C3orf49: variants seen among roughly 807,000 people sequenced by gnomAD.
The protein encoded by C3orf49 is chromosome 3 open reading frame 49.
Under a neutral mutation model 13.3 loss-of-function variants are expected in C3orf49, and 27 were observed. That is an observed-to-expected ratio of 2.02 (90% confidence interval 1.49 to 2.79). C3orf49 has a LOEUF of 2.79. C3orf49 is among the 30% of genes most tolerant of loss of function. The probability of loss-of-function intolerance (pLI) is 0.00; values close to 1 mark genes in which losing one functional copy is unlikely to be tolerated. For synonymous variants in C3orf49, 87 were observed against 47.6 expected (o/e 1.83, Z -3.40); for missense variants, 242 against 134.2 (o/e 1.80, Z -3.97).
the C3orf49 span, among the ~76,000 whole-genome samples, chr3:63,799,565 C>T: frequency 0.063 from 9,564 of 152,108 alleles, 445 homozygotes; most frequent in African/African-American, 0.12. Context: ...TTTAATAATG[C>T]CATAACCGTT....
intron 5 of C3orf49, chr3:63,835,443 C>T: frequency 9.3e-6 from 14 of 1,511,808 alleles, no homozygotes; most frequent in Non-Finnish European, 1.3e-5. Flanking sequence ...GAAGAGTTTA[C>T]AATTAATGCC....
chr3:63,812,556 T>C, the C3orf49 span, among the ~76,000 whole-genome samples: 1 of 152,242 alleles, frequency 6.6e-6, no homozygotes, highest in African/African-American at 2.4e-5. Flanking sequence ...TTTCAGTCCT[T>C]AAGATACCTA....
intron 5 of C3orf49, chr3:63,834,170 C>G: frequency 6.2e-7 from 1 of 1,614,040 alleles, no homozygotes; most frequent in South Asian, 1.1e-5. Context: ...GCTTCCTGAG[C>G]TTCTTCTACC....
intron 1 of C3orf49, among the ~76,000 whole-genome samples, chr3:63,822,417 G>A (rs774573699): frequency 2.6e-5 from 4 of 152,198 alleles, no homozygotes; most frequent in South Asian, 2.1e-4. Context: ...AAGAATATTA[G>A]GTAATAATTG....
intron 2 of C3orf49, chr3:63,826,971 A>G (rs1432996518): frequency 6.6e-6 from 1 of 152,074 alleles, no homozygotes; most frequent in Non-Finnish European, 1.5e-5. Context: ...AGAAAAAGAG[A>G]GTAACCTCAG....
At chr3:63,799,133 T>G in the C3orf49 span, among the ~76,000 whole-genome samples, 1 of 152,156 alleles carries the variant, frequency 6.6e-6, no homozygotes, top group African/African-American at 2.4e-5. Context: ...CATTCAATCC[T>G]ATAATCTTGA....
At chr3:63,814,554 G>A (rs1283780526), upstream of C3orf49, among the ~76,000 whole-genome samples, 1 of 152,104 alleles carries the variant, frequency 6.6e-6, no homozygotes, top group Non-Finnish European at 1.5e-5. Context: ...TAAGAACAAG[G>A]GAGATTGTGT....
chr3:63,788,647 C>T, the C3orf49 span, among the ~76,000 whole-genome samples: 1 of 151,956 alleles, frequency 6.6e-6, no homozygotes, highest in Non-Finnish European at 1.5e-5. Flanking sequence ...AAATAAGACA[C>T]AGTCGTTCTT....
At chr3:63,779,824 T>C in the C3orf49 span, 2 of 152,168 alleles carry the variant, frequency 1.3e-5, no homozygotes, top group Non-Finnish European at 2.9e-5. Flanking sequence ...TTTCTCAACC[T>C]ACCTTTGTCA....
At chr3:63,810,129 G>C in the C3orf49 span, among the ~76,000 whole-genome samples, 17 of 151,674 alleles carry the variant, frequency 1.1e-4, no homozygotes, top group African/African-American at 4.1e-4. Context: ...CTGGGCGACA[G>C]AGCAAGACAC....
At chr3:63,838,468 G>T (rs376353845) in intron 5 of C3orf49, 1 of 1,609,582 alleles carries the variant, frequency 6.2e-7, no homozygotes, top group Non-Finnish European at 8.5e-7. Context: ...CATTGAGACA[G>T]CGTGCTCAGC....
chr3:63,842,915 G>A (rs1479939787), intron 5 of C3orf49, among the ~76,000 whole-genome samples: 1 of 151,922 alleles, frequency 6.6e-6, no homozygotes, highest in African/African-American at 2.4e-5. Flanking sequence ...CCAAGTAGCT[G>A]TGACTACACA....
the C3orf49 span, chr3:63,782,920 A>G: frequency 2.0e-5 from 3 of 152,356 alleles, no homozygotes; most frequent in South Asian, 6.2e-4. Flanking sequence ...CTTCAAAACA[A>G]TTTAATGACT....
chr3:63,783,614 A>G, the C3orf49 span, among the ~76,000 whole-genome samples: 1 of 151,572 alleles, frequency 6.6e-6, no homozygotes, highest in Non-Finnish European at 1.5e-5. Context: ...GCTACTTGGG[A>G]GGCTGAGGCA....
intron 5 of C3orf49, among the ~76,000 whole-genome samples, chr3:63,838,793 A>G (rs1316224391): frequency 6.6e-6 from 1 of 152,230 alleles, no homozygotes; most frequent in Non-Finnish European, 1.5e-5. Flanking sequence ...ATACTTTAAG[A>G]TGTTTTTTTA....
At chr3:63,825,306 C>G (rs1040520253) in intron 2 of C3orf49, among the ~76,000 whole-genome samples, 2 of 151,424 alleles carry the variant, frequency 1.3e-5, no homozygotes, top group Non-Finnish European at 2.9e-5. Context: ...TGTGCTTTTT[C>G]CAGGAAAAAA....
chr3:63,824,753 C>T lies in C3orf49; in HGVS notation c.445+1184C>T, dbSNP rs984439347. ...TAGGGAAGCTGAAGTGGGCGAATCG[C>T]TTGAATCTGGGAGTCGGAGATTGCA... On this transcript the variant is annotated intron_variant, in intron 2 of 6. Coordinates refer to ENST00000295896, the MANE Select transcript of C3orf49 (RefSeq NM_001355236.2). 5.4e-5 allele frequency among the ~76,000 whole-genome samples: 8 copies of T among 147,066 alleles called. No individual in the cohort carries two copies. In the Admixed American group the frequency reaches 5.6e-4, roughly 10 times the overall value.
chr3:63,835,228 G>A (rs749027288), intron 5 of C3orf49: 2 of 1,613,326 alleles, frequency 1.2e-6, no homozygotes, highest in African/African-American at 2.7e-5. Context: ...TTCCAGCTGT[G>A]TTAACAAGAA....
At chr3:63,796,303 T>C in the C3orf49 span, among the ~76,000 whole-genome samples, 1 of 152,142 alleles carries the variant, frequency 6.6e-6, no homozygotes, top group African/African-American at 2.4e-5. Context: ...ACACACAAGA[T>C]AGTTTGATCT....
Sources: gnomAD v4.1 joint callset for allele counts (sites outside exome capture counted in the v4.1 genomes callset) on GRCh38, gnomAD v4.1.1 for gene constraint, MANE v1.5 for transcripts, NCBI Gene and HGNC (gene_info 2026-07-23, HGNC 2026-07-21) for gene names.